CRTAC1: variants seen among roughly 807,000 people sequenced by gnomAD.
The protein encoded by CRTAC1 is cartilage acidic protein 1, also known as acidic secreted protein in cartilage.
Under a neutral mutation model 67.8 loss-of-function variants are expected in CRTAC1, and 37 were observed. That is an observed-to-expected ratio of 0.55 (90% CI 0.42 to 0.72). CRTAC1 has a LOEUF of 0.72. Ranked by LOEUF, CRTAC1 falls within the 30% of genes least tolerant of loss-of-function variation. CRTAC1 has a pLI of 0.00. For synonymous variants in CRTAC1, 348 were observed against 371.0 expected (o/e 0.94, Z 0.71); for missense variants, 780 against 931.6 (o/e 0.84, Z 2.12).
intron 11 of CRTAC1, 33 bp from the exon 12 acceptor site, chr10:97,884,384 G>A: frequency 6.5e-7 from 1 of 1,543,818 alleles, no homozygotes; most frequent in Non-Finnish European, 8.8e-7. Flanking sequence ...ATCAGCAGCA[G>A]AGGAGAGCAG....
chr10:97,957,779 C>T (rs1396042040), intron 2 of CRTAC1, among the ~76,000 whole-genome samples: 2 of 152,114 alleles, frequency 1.3e-5, no homozygotes, highest in Non-Finnish European at 2.9e-5. Context: ...CCCTCCATCC[C>T]CAGGAGGCTA....
intron 2 of CRTAC1, among the ~76,000 whole-genome samples, chr10:97,953,013 T>C (rs1208695360): frequency 6.6e-6 from 1 of 152,190 alleles, no homozygotes; most frequent in Non-Finnish European, 1.5e-5. Flanking sequence ...GAACCATTCA[T>C]TCTCTTGAGC....
At chr10:97,956,110 T>C (rs1228477814) in intron 2 of CRTAC1, among the ~76,000 whole-genome samples, 1 of 152,208 alleles carries the variant, frequency 6.6e-6, no homozygotes, top group Non-Finnish European at 1.5e-5. Context: ...GGATGAAACA[T>C]GTGACTTCCA....
chr10:97,879,848 AG>A, intron 14 of CRTAC1: 1 of 264,140 alleles, frequency 3.8e-6, no homozygotes, highest in East Asian at 8.8e-5. Context: ...AAAAAGAGAA[AG>A]GGGGTGGGGA....
At chr10:97,890,022 T>C (rs2050344599) in intron 11 of CRTAC1, among the ~76,000 whole-genome samples, 1 of 151,948 alleles carries the variant, frequency 6.6e-6, no homozygotes, top group Non-Finnish European at 1.5e-5. Flanking sequence ...TGTCTCACAG[T>C]GAAATACTCC....
Position 97,975,703 on chromosome 10 carries a change from G to A in CRTAC1, c.224+35435C>T, listed in dbSNP as rs997868003. ...CACAGCCTCACACGGGGGTAGGGCT[G>A]GGGGAGACGAGGGAAGACTGGGCTT... On this transcript the variant is annotated intron_variant, in intron 2 of 14. Coordinates refer to ENST00000370597, the MANE Select transcript of CRTAC1 (RefSeq NM_018058.7). The surrounding 1 kb of genome is among the most constrained non-coding windows in gnomAD (Gnocchi z 4.8). Among the ~76,000 whole-genome samples the A allele has an allele frequency of 1.3e-5, 2 of 152,208 alleles. No individual in the cohort carries two copies. The highest frequency in any genetic ancestry group is 2.9e-5 in the Non-Finnish European group (2 of 68,030).
rs556047360 is a variant in CRTAC1, at chr10:97,881,529, G to A, written c.1676-1137C>T. Among the ~76,000 whole-genome samples the A allele has an allele frequency of 1.3e-3, 203 of 152,308 alleles. 1 individual carries two copies. The highest frequency in any genetic ancestry group is 2.2e-3 in the Non-Finnish European group (150 of 68,032). On this transcript the variant is annotated intron_variant, in intron 13 of 14. Coordinates refer to ENST00000370597, the MANE Select transcript of CRTAC1 (RefSeq NM_018058.7). ...ATGGATGCCCCTCTTGTGGAGGCGCGGGGGTGGCACTTGGCCTACATCCCC... is the reference window on the plus strand; with the variant it reads ...ATGGATGCCCCTCTTGTGGAGGCGCAGGGGTGGCACTTGGCCTACATCCCC...
chr10:97,870,640 T>C (rs1480001329), intron 14 of CRTAC1: 1 of 152,102 alleles, frequency 6.6e-6, no homozygotes, highest in Admixed American at 6.5e-5. Context: ...GGCTACAAAA[T>C]AGGAAAAGAA....
chr10:97,954,394 C>T (rs965248640), intron 2 of CRTAC1, among the ~76,000 whole-genome samples: 2 of 152,152 alleles, frequency 1.3e-5, no homozygotes, highest in African/African-American at 2.4e-5. Context: ...CCAATCTGAG[C>T]ATTACAAATC....
chr10:97,891,012 T>A (rs1401024944), intron 11 of CRTAC1, among the ~76,000 whole-genome samples: 3 of 152,206 alleles, frequency 2.0e-5, no homozygotes, highest in African/African-American at 4.8e-5. Flanking sequence ...ACATTTTATA[T>A]ATTTACCTAT....
chr10:97,873,904 T>C (rs2050118743), intron 14 of CRTAC1, among the ~76,000 whole-genome samples: 1 of 152,212 alleles, frequency 6.6e-6, no homozygotes, highest in Non-Finnish European at 1.5e-5. Context: ...TTCAGATCTG[T>C]ATTTAATCCC....
chr10:98,023,169 G>A (rs1450476014), intron 1 of CRTAC1, among the ~76,000 whole-genome samples: 1 of 152,154 alleles, frequency 6.6e-6, no homozygotes, highest in Non-Finnish European at 1.5e-5. Flanking sequence ...GCAAAGGGAG[G>A]TAAAGAGGAA....
At chr10:97,898,454 T>C (rs1237985541) in intron 8 of CRTAC1, among the ~76,000 whole-genome samples, 1 of 152,104 alleles carries the variant, frequency 6.6e-6, no homozygotes. Context: ...AATTGGGGGC[T>C]AGAGGGAGTG....
intron 2 of CRTAC1, among the ~76,000 whole-genome samples, chr10:97,961,133 G>A (rs1010111949): frequency 9.2e-5 from 14 of 151,956 alleles, no homozygotes; most frequent in African/African-American, 3.1e-4. Context: ...TAATGGCCAC[G>A]TGTGAGCCTC....
chr10:97,907,663 T>C (rs1379340473), intron 6 of CRTAC1, among the ~76,000 whole-genome samples: 1 of 151,894 alleles, frequency 6.6e-6, no homozygotes, highest in African/African-American at 2.4e-5. Context: ...ATGTTGAAGA[T>C]AAATGTGGGA....
At chr10:97,901,824 C>G (rs1056296519) in intron 7 of CRTAC1, among the ~76,000 whole-genome samples, 185 bp from the exon 8 acceptor site, 1 of 152,166 alleles carries the variant, frequency 6.6e-6, no homozygotes, top group Non-Finnish European at 1.5e-5. Context: ...GCTGCTTGTA[C>G]GAGAAGAAGG....
chr10:97,953,009 T>C (rs769432140), intron 2 of CRTAC1, among the ~76,000 whole-genome samples: 6 of 152,172 alleles, frequency 3.9e-5, no homozygotes, highest in Non-Finnish European at 7.4e-5. Context: ...CCAGGAACCA[T>C]TCATTCTCTT....
chr10:97,933,488 A>C (rs1250392999), intron 3 of CRTAC1, among the ~76,000 whole-genome samples: 1 of 152,214 alleles, frequency 6.6e-6, no homozygotes, highest in Non-Finnish European at 1.5e-5. Flanking sequence ...TTATTTATCA[A>C]ATTTTAACTT....
intron 2 of CRTAC1, among the ~76,000 whole-genome samples, chr10:98,005,245 T>G (rs1012759965): frequency 5.3e-5 from 8 of 150,244 alleles, no homozygotes; most frequent in Admixed American, 1.3e-4. Context: ...GATGGGATTA[T>G]AGGCACGTGC....
Sources: allele counts gnomAD v4.1 joint callset (sites outside exome capture counted in the v4.1 genomes callset), GRCh38; gene constraint gnomAD v4.1.1; non-coding constraint Gnocchi (gnomAD v3.1); transcripts MANE v1.5; gene names NCBI Gene and HGNC (gene_info 2026-07-23, HGNC 2026-07-21).